The following PKD1L3 variants were observed in gnomAD, a reference collection of about 807,000 sequenced individuals.
The protein encoded by PKD1L3 is polycystin-1-like protein 3.
Under a neutral mutation model 184.1 loss-of-function variants are expected in PKD1L3, and 239 were observed. That is an observed-to-expected ratio of 1.30 (90% CI 1.17 to 1.45). The LOEUF is 1.45. PKD1L3 is among the 40% of genes most tolerant of loss of function. PKD1L3 has a pLI of 0.00. For synonymous variants in PKD1L3, 996 were observed against 778.8 expected (o/e 1.28, Z -4.64); for missense variants, 2,660 against 2,067.2 (o/e 1.29, Z -5.56).
At chr16:71,997,645 G>A (rs1368406672) in intron 2 of PKD1L3, among the ~76,000 whole-genome samples, 1 of 152,116 alleles carries the variant, frequency 6.6e-6, no homozygotes, top group African/African-American at 2.4e-5. Flanking sequence ...CTACTAGGGA[G>A]GCTGAGGCAG....
At position 71,950,234 on chromosome 16, in the gene PKD1L3, C is replaced by T. The variant is rs1340891327; in HGVS notation, c.3267G>A (p.Thr1089=). 9.7e-6 allele frequency: 15 copies of T among 1,551,792 alleles called. No homozygotes were observed. The highest frequency in any genetic ancestry group is 7.3e-5 in the East Asian group (3 of 40,922). ...ACTGGTGACCCTGGGTGAGACCCAG[C>T]GTGCCTAAGTGAGATTTCAGCCTCT... is the stretch of plus-strand genomic sequence containing the variant. The part of the protein sequence containing the change: ...VLQRLKSHLG[T]LGLTQGHQSC... The change falls in exon 20 of 30, where the codon ACG becomes ACA. Residue 1089 remains threonine (T), a synonymous_variant. Coordinates refer to ENST00000620267, the MANE Select transcript of PKD1L3 (RefSeq NM_181536.2).
Position 71,982,141 on chromosome 16 carries a change from G to C in PKD1L3, c.1061C>G (p.Thr354Ser). 1.3e-6 allele frequency: 2 copies of C among 1,552,068 alleles called. No individual in the cohort carries two copies. The highest frequency in any genetic ancestry group is 2.4e-5 in the East Asian group (1 of 40,920). Residue 354 changes from threonine (T) to serine (S), a missense_variant, in exon 7 of 30, where the codon ACT (threonine) becomes AGT (serine). Coordinates refer to ENST00000620267, the MANE Select transcript of PKD1L3 (RefSeq NM_181536.2). ...GTTGAGGGAATGAAAGGGGCAGACA[G>C]TTGGAGGAACTTTGAAGCCCAGACT... ...NNSLGFKVPP[T>S]VCPFHSLNNV...
Position 71,999,855 on chromosome 16 carries a change from A to G in PKD1L3, c.124T>C (p.Cys42Arg). ...TAATGCTGTGCTTCCTCAAAGCTGC[A>G]TTGAAATCTGTTAAGCTGGTAACAA... is the stretch of plus-strand genomic sequence containing the variant. ...NNCYQLNRFQ[C>R]SFEEAQHYCH... is the part of the protein sequence containing the mutation. Residue 42 changes from cysteine (C) to arginine (R), a missense_variant, in exon 1 of 30, where the codon TGC becomes CGC. Cys to Arg is a radical substitution (Grantham distance 180, BLOSUM62 -3). Coordinates refer to ENST00000620267, the MANE Select transcript of PKD1L3 (RefSeq NM_181536.2). 1.9e-6 allele frequency: 3 copies of G among 1,551,790 alleles called. No homozygotes were observed. Among genetic ancestry groups the G allele is most frequent in the Middle Eastern group, 1.7e-4 (1 of 5,992 alleles).
chr16:71,987,518 C>T (rs992231311), intron 4 of PKD1L3, among the ~76,000 whole-genome samples: 2 of 152,016 alleles, frequency 1.3e-5, no homozygotes, highest in Non-Finnish European at 2.9e-5. Flanking sequence ...GACTACAGGA[C>T]CACATCACCA....
At chr16:71,946,271 G>A (rs2038600308) in intron 22 of PKD1L3, among the ~76,000 whole-genome samples, 1 of 152,180 alleles carries the variant, frequency 6.6e-6, no homozygotes, top group Admixed American at 6.5e-5. Context: ...TTAAGAATAA[G>A]TGACTGCCAA....
intron 16 of PKD1L3, among the ~76,000 whole-genome samples, chr16:71,956,945 AC>A (rs1421759829): frequency 6.6e-6 from 1 of 152,244 alleles, no homozygotes; most frequent in Non-Finnish European, 1.5e-5. Flanking sequence ...TGATGGACAC[AC>A]AATGCATGAA....
intron 15 of PKD1L3, among the ~76,000 whole-genome samples, chr16:71,964,309 C>CTTTTTT (rs772995457): frequency 1.8e-5 from 1 of 56,658 alleles, no homozygotes; most frequent in Non-Finnish European, 3.2e-5. Flanking sequence ...TCGTCAAAAT[C>CTTTTTT]TTTTTTTTTT....
chr16:71,973,482 G>C lies in PKD1L3; in HGVS notation c.1795C>G (p.Leu599Val). 1 of 1,551,864 alleles carries C rather than the reference G, an allele frequency of 6.4e-7. No individual in the cohort carries two copies. The highest frequency in any genetic ancestry group is 1.2e-5 in the South Asian group (1 of 84,058). Residue 599 changes from leucine (L) to valine (V), a missense_variant, in exon 12 of 30, where the codon CTG becomes GTG. By Grantham distance (32) the Leu-to-Val change is conservative. Transcript: ENST00000620267. ...EYTWVLNPEHLQHGIGTYYIT... is the reference protein window; with the variant it reads ...EYTWVLNPEHVQHGIGTYYIT... ...TAGTAGGTGCCAATCCCGTGCTGCA[G>C]ATGCTCTGGATTCAGCACCCACGTG...
chr16:71,967,718 G>C (rs980966497), intron 14 of PKD1L3, among the ~76,000 whole-genome samples, 188 bp downstream of exon 14: 2 of 152,052 alleles, frequency 1.3e-5, no homozygotes, highest in African/African-American at 4.8e-5. Flanking sequence ...CCCCACCTTG[G>C]CCTCCCAAAG....
At chr16:71,985,696 T>C (rs1463726615) in intron 5 of PKD1L3, among the ~76,000 whole-genome samples, 1 of 152,144 alleles carries the variant, frequency 6.6e-6, no homozygotes, top group African/African-American at 2.4e-5. Flanking sequence ...CCTCCCAAAG[T>C]GCTGGAATTA....
rs184273133 is a variant in PKD1L3 at position 71,974,599 on chromosome 16, G to A, written c.1760-1082C>T. On this transcript the variant is annotated intron_variant, in intron 11 of 29. Transcript: ENST00000620267. The stretch of plus-strand genomic sequence containing the variant: ...CTTGGGAGGCTGAGGCATGAGAATC[G>A]CTTGAGCCCAGGAGGCGGAGGCTAC... Among the ~76,000 whole-genome samples the A allele has an allele frequency of 7.2e-5, 11 of 152,248 alleles. No homozygotes were observed. The East Asian group carries it at 1.4e-3, about 19-fold the overall frequency.
At position 71,964,950 on chromosome 16, in the gene PKD1L3, G is replaced by A. The variant is rs530050661; in HGVS notation, c.2466-1599C>T. On this transcript the variant is annotated intron_variant, in intron 15 of 29. Transcript: ENST00000620267. The stretch of plus-strand genomic sequence containing the variant: ...CAACCTCCACCTCTTGGGCTCAAGT[G>A]ATTCTCCCGCCTCAGCCCCCCAAGT... Among the ~76,000 whole-genome samples, 76 of 150,544 alleles carry A rather than the reference G, an allele frequency of 5.0e-4. 1 individual carries two copies. The highest frequency in any genetic ancestry group is 1.3e-4 in the Non-Finnish European group (9 of 67,738).
intron 17 of PKD1L3, 49 bp downstream of exon 17, chr16:71,954,056 A>G (rs1200346814): frequency 2.1e-6 from 3 of 1,399,442 alleles, no homozygotes; most frequent in African/African-American, 3.1e-5. Context: ...TCTCAAAAAA[A>G]AAAAAGGATT....
chr16:71,985,902 GGA>G (rs1393806942), intron 5 of PKD1L3, among the ~76,000 whole-genome samples: 1 of 152,198 alleles, frequency 6.6e-6, no homozygotes, highest in Non-Finnish European at 1.5e-5. Flanking sequence ...GAAACAAGGC[GGA>G]GAGAGGGGAC....
At chr16:71,999,486 T>A (rs964314112) in intron 1 of PKD1L3, among the ~76,000 whole-genome samples, 198 bp downstream of exon 1, 9 of 152,160 alleles carry the variant, frequency 5.9e-5, no homozygotes, top group Admixed American at 2.6e-4. Context: ...CCAGGAAAAA[T>A]TGCATCATTT....
Position 71,999,856 on chromosome 16 carries a change from T to A in PKD1L3, c.123A>T (p.Gln41His). The A allele has an allele frequency of 6.4e-7, 1 of 1,551,790 alleles. No individual in the cohort carries two copies. The highest frequency in any genetic ancestry group is 8.7e-7 in the Non-Finnish European group (1 of 1,147,008). The change falls in exon 1 of 30, where the codon CAA (glutamine) becomes CAT (histidine). Residue 41 changes from glutamine to histidine, a missense_variant. Gln to His is a conservative substitution (Grantham distance 24). Transcript: ENST00000620267. ...AATGCTGTGCTTCCTCAAAGCTGCA[T>A]TGAAATCTGTTAAGCTGGTAACAAT... ...QNNCYQLNRF[Q>H]CSFEEAQHYC...
chr16:71,942,483 C>T (rs1189036195), intron 24 of PKD1L3, 77 bp downstream of exon 24: 2 of 1,275,390 alleles, frequency 1.6e-6, no homozygotes, highest in Admixed American at 4.8e-5. Flanking sequence ...TTCAATGAAA[C>T]CACATTCCTG....
chr16:71,998,209 C>G, intron 2 of PKD1L3, 63 bp downstream of exon 2: 1 of 1,540,838 alleles, frequency 6.5e-7, no homozygotes, highest in Non-Finnish European at 8.8e-7. Context: ...CTCACATGCA[C>G]TCCTTATTTA....
Position 71,935,473 on chromosome 16 carries a change from T to C in PKD1L3, c.4498A>G (p.Arg1500Gly), listed in dbSNP as rs1163781441. Residue 1500 changes from arginine to glycine, a missense_variant, in exon 26 of 30, where the codon AGA (arginine) becomes GGA (glycine). By Grantham distance (125) the Arg-to-Gly change is moderately radical (BLOSUM62 -2). Coordinates refer to ENST00000620267, the MANE Select transcript of PKD1L3 (RefSeq NM_181536.2). ...ATTATACTTGTGTCCAGAATGTTTC[T>C]TTTCCCAGTGAAGAACCTCCACTTC... ...QQKWRFFTGK[R>G]NILDTSIILI... 2 of 1,552,220 alleles carry C rather than the reference T, an allele frequency of 1.3e-6. No homozygotes were observed. Among genetic ancestry groups the C allele is most frequent in the South Asian group, 2.4e-5 (2 of 84,054 alleles).
Sources: allele counts gnomAD v4.1 joint callset (sites outside exome capture counted in the v4.1 genomes callset), GRCh38; gene constraint gnomAD v4.1.1; transcripts MANE v1.5; gene names NCBI Gene and HGNC (gene_info 2026-07-23, HGNC 2026-07-21).